Variants in KIAA1671 observed in about 807,000 individuals in gnomAD.
KIAA1671 encodes the protein uncharacterized protein KIAA1671.
KIAA1671 carries 52 observed loss-of-function variants against 131.2 expected under a neutral mutation model. That is an observed-to-expected ratio of 0.40 (90% CI 0.32 to 0.50). The LOEUF is 0.50. KIAA1671 is among the 20% of genes least tolerant of loss of function. The probability of loss-of-function intolerance (pLI) is 0.73; values close to 1 mark genes in which losing one functional copy is unlikely to be tolerated. For missense variants in KIAA1671, 2,360 were observed against 2,364.2 expected (o/e 1.00, Z 0.04); for synonymous variants, 1,003 against 961.6 (o/e 1.04, Z -0.80).
chr22:25,029,368 G>A lies in KIAA1671; in HGVS notation c.1369G>A (p.Glu457Lys). 1 of 1,551,314 alleles carries A rather than the reference G, an allele frequency of 6.4e-7. No homozygotes were observed. Among genetic ancestry groups the A allele is most frequent in the South Asian group, 1.2e-5 (1 of 84,048 alleles). The change falls in exon 3 of 13, where the codon GAA (glutamate) becomes AAA (lysine). Residue 457 changes from glutamate (E) to lysine (K), a missense_variant. This residue lies in a region of KIAA1671 where 1,185 missense variants were observed against 1,126.2 expected (regional missense o/e 1.05). Coordinates refer to ENST00000358431, the MANE Select transcript of KIAA1671 (RefSeq NM_001145206.2). ...CACCTTGGCCTTGGCAGTGGGGTCT[G>A]AATCTCCCCTGGCCACCCCTGCGTC... is the stretch of plus-strand genomic sequence containing the variant. ...DSTLALAVGS[E>K]SPLATPASPS...
At chr22:25,093,737 A>ACACACACACACACACTCTCT (rs1568950992) in intron 6 of KIAA1671, among the ~76,000 whole-genome samples, 1 of 30,138 alleles carries the variant, frequency 3.3e-5, no homozygotes, top group Non-Finnish European at 6.5e-5. Context: ...ACACACACAC[A>ACACACACACACACACTCTCT]CTCTCTCTCT....
intron 6 of KIAA1671, chr22:25,059,094 G>A (rs182545625): frequency 2.2e-4 from 34 of 152,312 alleles, no homozygotes; most frequent in African/African-American, 7.7e-4. Context: ...CACCAAACAA[G>A]AATTGCAGGA....
chr22:25,192,727 A>G lies in KIAA1671; in HGVS notation c.*326A>G, dbSNP rs764197824. On this transcript the variant is annotated 3_prime_UTR_variant, in exon 13 of 13. Coordinates refer to ENST00000358431, the MANE Select transcript of KIAA1671 (RefSeq NM_001145206.2). The stretch of plus-strand genomic sequence containing the variant: ...ATTTCTACCTATTTTAGACACCTTC[A>G]TCAGCTCCAAGAACATCAGTGTGAG... The G allele has an allele frequency of 2.0e-5, 3 of 152,224 alleles. No individual in the cohort carries two copies. Among genetic ancestry groups the G allele is most frequent in the African/African-American group, 7.2e-5 (3 of 41,466 alleles). 9.4% of individuals were successfully genotyped at this position (152,224 alleles called of 1,614,324 possible). A position where few individuals can be genotyped will look rare whatever the true frequency, so the allele number is the denominator to read the frequency against.
At chr22:25,009,038 G>C (rs1341287079) in intron 1 of KIAA1671, among the ~76,000 whole-genome samples, 1 of 152,148 alleles carries the variant, frequency 6.6e-6, no homozygotes, top group African/African-American at 2.4e-5. Context: ...CCTGTCAGCT[G>C]TCATTTTGTC....
In KIAA1671 at chr22:25,028,576, C is replaced by G; in HGVS notation, c.577C>G (p.Leu193Val). 6.4e-7 allele frequency: 1 copy of G among 1,550,662 alleles called. No individual in the cohort carries two copies. The highest frequency in any genetic ancestry group is 8.7e-7 in the Non-Finnish European group (1 of 1,146,674). Residue 193 changes from leucine (L) to valine (V), a missense_variant, in exon 3 of 13, where the codon CTT becomes GTT. Physicochemically the swap from Leu to Val is conservative, Grantham distance 32. Transcript: ENST00000358431. Reference protein sequence around the residue: ...ALPTQKPAGTLPRSAPLSQDT... With the variant: ...ALPTQKPAGTVPRSAPLSQDT... ...GCCCACCCAGAAGCCTGCGGGGACCCTTCCCCGGTCAGCTCCCCTGTCTCA... is the reference window on the plus strand; with the variant it reads ...GCCCACCCAGAAGCCTGCGGGGACCGTTCCCCGGTCAGCTCCCCTGTCTCA...
intron 1 of KIAA1671, among the ~76,000 whole-genome samples, chr22:24,989,641 G>A (rs1923733739): frequency 6.6e-6 from 1 of 152,116 alleles, no homozygotes; most frequent in South Asian, 2.1e-4. Context: ...TGGGAGGAGG[G>A]CTGACCCTGA....
At chr22:25,007,288 C>A (rs1354301339) in intron 1 of KIAA1671, among the ~76,000 whole-genome samples, 2 of 151,930 alleles carry the variant, frequency 1.3e-5, no homozygotes, top group Non-Finnish European at 2.9e-5. Context: ...GAGATCGAGA[C>A]CATCCTGGCC....
At chr22:25,117,008 G>T (rs1646135651) in intron 6 of KIAA1671, among the ~76,000 whole-genome samples, 1 of 152,162 alleles carries the variant, frequency 6.6e-6, no homozygotes, top group African/African-American at 2.4e-5. Context: ...GGGGGGTAAG[G>T]GGTAGAGTCT....
intron 1 of KIAA1671, among the ~76,000 whole-genome samples, chr22:24,956,348 A>G (rs541923308): frequency 2.0e-5 from 3 of 152,342 alleles, no homozygotes; most frequent in South Asian, 2.1e-4. Context: ...GTGGGGAGAC[A>G]TGGGGCACAT....
chr22:25,135,993 T>C (rs553946102), intron 6 of KIAA1671, among the ~76,000 whole-genome samples: 1 of 152,316 alleles, frequency 6.6e-6, no homozygotes, highest in South Asian at 2.1e-4. Flanking sequence ...GAAGGTGAAG[T>C]GGCTTGCCCA....
At chr22:25,114,946 G>A (rs1931579127) in intron 6 of KIAA1671, among the ~76,000 whole-genome samples, 2 of 152,156 alleles carry the variant, frequency 1.3e-5, no homozygotes, top group African/African-American at 4.8e-5. Context: ...TTTCATCCTG[G>A]TTCCTGCCTC....
intron 11 of KIAA1671, among the ~76,000 whole-genome samples, chr22:25,189,331 C>T (rs1017061547): frequency 6.6e-6 from 1 of 151,820 alleles, no homozygotes; most frequent in South Asian, 2.1e-4. Context: ...CACCACCACA[C>T]CCGGCTAATT....
At position 25,193,575 on chromosome 22, in the gene KIAA1671, T is replaced by C. The variant is rs9608377; in HGVS notation, c.*1174T>C. 49,720 of 152,244 alleles carry C rather than the reference T, an allele frequency of 0.33. 8,522 individuals carry two copies. The highest frequency in any genetic ancestry group is 0.47 in the East Asian group (2,449 of 5,178). The allele number at this position is 152,244 out of a possible 1,614,324, so 9.4% of individuals were successfully genotyped here. ...AAAACATGCTTTCCTTCTCCCTGGC[T>C]ACCTCTCAGGAGTTCATTTGTCTCT... On this transcript the variant is annotated 3_prime_UTR_variant, in exon 13 of 13. Transcript: ENST00000358431.
intron 6 of KIAA1671, among the ~76,000 whole-genome samples, chr22:25,096,836 T>G (rs9612859): frequency 0.15 from 22,878 of 152,272 alleles, 1,748 homozygotes; most frequent in South Asian, 0.21. Flanking sequence ...GATTAGTCTG[T>G]GTGTTGTAGA....
intron 1 of KIAA1671, among the ~76,000 whole-genome samples, chr22:25,005,229 T>A (rs892221916): frequency 6.7e-6 from 1 of 149,872 alleles, no homozygotes; most frequent in African/African-American, 2.5e-5. Flanking sequence ...GCACGTGTAG[T>A]CCCAGCTACT....
At chr22:25,117,121 C>T (rs1295818630) in intron 6 of KIAA1671, among the ~76,000 whole-genome samples, 1 of 152,148 alleles carries the variant, frequency 6.6e-6, no homozygotes, top group Admixed American at 6.5e-5. Context: ...CTCTTGGGGG[C>T]AGAATCACAA....
chr22:25,088,842 A>G (rs371860541), intron 6 of KIAA1671, among the ~76,000 whole-genome samples: 17 of 151,768 alleles, frequency 1.1e-4, no homozygotes, highest in Middle Eastern at 3.4e-3. Context: ...GTCTGTGCCT[A>G]TATCTGCGTC....
chr22:25,168,200 G>C (rs767204408), intron 6 of KIAA1671, among the ~76,000 whole-genome samples: 56 of 152,312 alleles, frequency 3.7e-4, no homozygotes, highest in Admixed American at 6.5e-4. Context: ...GTGCCAGGCA[G>C]GCTCCAAGAG....
intron 6 of KIAA1671, among the ~76,000 whole-genome samples, chr22:25,073,885 G>A (rs1043417041): frequency 1.3e-5 from 2 of 152,146 alleles, no homozygotes; most frequent in Non-Finnish European, 2.9e-5. Flanking sequence ...ATAGGGACGG[G>A]GTTTCACCAT....
Sources: allele counts gnomAD v4.1 joint callset (sites outside exome capture counted in the v4.1 genomes callset), GRCh38; gene constraint gnomAD v4.1.1; regional missense constraint gnomAD v4.1.1; transcripts MANE v1.5; gene names NCBI Gene and HGNC (gene_info 2026-07-23, HGNC 2026-07-21).